Variants in STK11IP observed in about 807,000 individuals in gnomAD.
STK11IP encodes the protein serine/threonine-protein kinase 11-interacting protein.
STK11IP carries 103 observed loss-of-function variants against 131.7 expected under a neutral mutation model. That is an observed-to-expected ratio of 0.78 (90% CI 0.67 to 0.92). STK11IP has a LOEUF of 0.92. Ranked by LOEUF, STK11IP falls within the 40% of genes least tolerant of loss-of-function variation. The probability of loss-of-function intolerance (pLI) is 0.00; values close to 1 mark genes in which losing one functional copy is unlikely to be tolerated. For synonymous variants in STK11IP, 557 were observed against 575.6 expected (o/e 0.97, Z 0.46); for missense variants, 1,315 against 1,385.7 (o/e 0.95, Z 0.81).
rs561327289 is a variant in STK11IP at position 219,601,302 on chromosome 2, C to A, written c.129C>A (p.His43Gln). The A allele has an allele frequency of 1.9e-4, 299 of 1,614,082 alleles. 3 individuals are homozygous for A. The South Asian group carries it at 3.0e-3, about 16-fold the overall frequency. The change falls in exon 3 of 25, where the codon CAC becomes CAA. Residue 43 changes from histidine (H) to glutamine (Q), a missense_variant. Physicochemically the swap from His to Gln is conservative, Grantham distance 24. Coordinates refer to ENST00000456909, the MANE Select transcript of STK11IP (RefSeq NM_052902.4). ...LLTPTLQQLN[H>Q]VFELHLGPWG... is the part of the protein sequence containing the mutation. Reference sequence around the variant, plus strand: ...CTCCCACACTGCAACAGCTGAACCACGTATTTGAGCTGCACCTGGGGCCAT... The same window carrying A: ...CTCCCACACTGCAACAGCTGAACCAAGTATTTGAGCTGCACCTGGGGCCAT...
chr2:219,605,376 T>G, intron 7 of STK11IP: 1 of 436,432 alleles, frequency 2.3e-6, no homozygotes, highest in Non-Finnish European at 4.1e-6. Context: ...CAGGCAGGAA[T>G]TTAAGGGGCT....
rs1392319467 is a variant in STK11IP at position 219,605,821 on chromosome 2, G to A, written c.745+87G>A. On this transcript the variant is annotated intron_variant, in intron 8 of 24. Coordinates refer to ENST00000456909, the MANE Select transcript of STK11IP (RefSeq NM_052902.4). ...GGCCTGGGGACCATGTGCCTCTAGAGCCTTGAGAGGGCTTATGGGGAGTGC... is the reference window on the plus strand; with the variant it reads ...GGCCTGGGGACCATGTGCCTCTAGAACCTTGAGAGGGCTTATGGGGAGTGC... 7 of 1,525,400 alleles carry A rather than the reference G, an allele frequency of 4.6e-6. No individual in the cohort carries two copies. In the East Asian group the frequency reaches 1.7e-4, roughly 36 times the overall value. 94.5% of individuals were successfully genotyped at this position (1,525,400 alleles called of 1,614,324 possible).
rs750610406 is a variant in STK11IP at position 219,616,080 on chromosome 2, G to A, written c.3154G>A (p.Val1052Met). ...GGAGAGCTTTTGGGCACTCCGTGTG[G>A]TGTGTCAGGAGCAGCTGACAGCCCT... ...RLESFWALRV[V>M]CQEQLTALLA... Residue 1052 changes from valine to methionine, a missense_variant, in exon 25 of 25, where the codon GTG (valine) becomes ATG (methionine). Coordinates refer to ENST00000456909, the MANE Select transcript of STK11IP (RefSeq NM_052902.4). 1.0e-4 allele frequency: 162 copies of A among 1,613,790 alleles called. No homozygotes were observed. The highest frequency in any genetic ancestry group is 1.3e-4 in the Non-Finnish European group (153 of 1,179,900).
In STK11IP at chr2:219,606,018, C is replaced by T. The variant is rs1337992060; in HGVS notation, c.808C>T (p.Arg270Trp). Reference sequence around the variant, plus strand: ...GGCATACAACCTGCTGGAAGGACACCGGGAGCTGTCACCACTGTGGCTGCT... The same window carrying T: ...GGCATACAACCTGCTGGAAGGACACTGGGAGCTGTCACCACTGTGGCTGCT... ...DLAYNLLEGH[R>W]ELSPLWLLAE... is the part of the protein sequence containing the mutation. The change falls in exon 9 of 25, where the codon CGG (arginine) becomes TGG (tryptophan). Residue 270 changes from arginine to tryptophan, a missense_variant. Coordinates refer to ENST00000456909, the MANE Select transcript of STK11IP (RefSeq NM_052902.4). The T allele has an allele frequency of 1.7e-5, 28 of 1,608,832 alleles. No individual in the cohort carries two copies. Among genetic ancestry groups the T allele is most frequent in the Middle Eastern group, 1.7e-4 (1 of 6,058 alleles).
intron 24 of STK11IP, 81 bp downstream of exon 24, chr2:219,615,422 T>G: frequency 6.5e-7 from 1 of 1,529,156 alleles, no homozygotes; most frequent in South Asian, 1.3e-5. Flanking sequence ...GGGTGGGAAA[T>G]GGGTCTAGGA....
At position 219,615,609 on chromosome 2, in the gene STK11IP, G is replaced by A. The variant is rs77435727; in HGVS notation, c.3117+268G>A. On this transcript the variant is annotated intron_variant, in intron 24 of 24. Coordinates refer to ENST00000456909, the MANE Select transcript of STK11IP (RefSeq NM_052902.4). ...CCACGAGGCTTTCAGTGAGGTTTCCGGCAGCTTTGAGTTGGCAGGATTGGG... is the reference window on the plus strand; with the variant it reads ...CCACGAGGCTTTCAGTGAGGTTTCCAGCAGCTTTGAGTTGGCAGGATTGGG... 394 of 654,234 alleles carry A rather than the reference G, an allele frequency of 6.0e-4. 3 individuals carry two copies. In the East Asian group the frequency reaches 0.011, roughly 18 times the overall value. The allele number at this position is 654,234 out of a possible 1,614,324, so 40.5% of individuals were successfully genotyped here.
Position 219,598,160 on chromosome 2 carries a change from CG to C in STK11IP, c.45del (p.Leu16CysfsTer16). On this transcript the variant is annotated frameshift_variant, in exon 2 of 25. Coordinates refer to ENST00000456909, the MANE Select transcript of STK11IP (RefSeq NM_052902.4). LOFTEE classifies it high-confidence loss of function. ...AQRDSLLWKL[A>X]GLLRESGDVV... Reference sequence around the variant, plus strand: ...AGGGACTCCCTGTTGTGGAAGCTCGCGGGGTTGCTGCGGGAGTCCGGTGAGT... The same window carrying C: ...AGGGACTCCCTGTTGTGGAAGCTCGCGGGTTGCTGCGGGAGTCCGGTGAGT... 1 of 1,572,642 alleles carries C rather than the reference CG, an allele frequency of 6.4e-7. No homozygotes were observed. The highest frequency in any genetic ancestry group is 1.2e-5 in the South Asian group (1 of 85,780).
chr2:219,609,280 C>T, intron 16 of STK11IP, 67 bp downstream of exon 16: 1 of 1,576,334 alleles, frequency 6.3e-7, no homozygotes, highest in Non-Finnish European at 8.6e-7. Flanking sequence ...GAAGTGGCAG[C>T]AGGCCTGAGG....
In STK11IP at chr2:219,615,070, C is replaced by T. The variant is rs201333019; in HGVS notation, c.2870-24C>T. 35 of 1,600,324 alleles carry T rather than the reference C, an allele frequency of 2.2e-5. No homozygotes were observed. The East Asian group carries it at 7.4e-4, about 34-fold the overall frequency. ...ATCTGGGCCCCTCCATGACCTTCCA[C>T]ACTGGATGCCTCTTTCCCTGCAGGC... On this transcript the variant is annotated intron_variant, in intron 23 of 24. Transcript: ENST00000456909.
chr2:219,606,107 C>T (rs774572142), intron 9 of STK11IP, 48 bp downstream of exon 9: 1 of 1,546,702 alleles, frequency 6.5e-7, no homozygotes, highest in Non-Finnish European at 8.8e-7. Flanking sequence ...TTGCACGTAC[C>T]CCCCCATGCT....
Position 219,598,158 on chromosome 2 carries a change from C to T in STK11IP, c.39C>T (p.Leu13=). ...AGAGGGACTCCCTGTTGTGGAAGCT[C>T]GCGGGGTTGCTGCGGGAGTCCGGTG... ...TAQRDSLLWK[L]AGLLRESGDV... The change falls in exon 2 of 25, where the codon CTC becomes CTT. Residue 13 remains leucine, a synonymous_variant. Transcript: ENST00000456909. The T allele has an allele frequency of 6.4e-7, 1 of 1,573,500 alleles. No homozygotes were observed. The highest frequency in any genetic ancestry group is 1.2e-5 in the South Asian group (1 of 85,898).
intron 1 of STK11IP, 74 bp downstream of exon 1, chr2:219,597,997 CT>C: frequency 1.3e-6 from 2 of 1,592,746 alleles, no homozygotes; most frequent in Admixed American, 1.8e-5. Context: ...TCTTTCTCGC[CT>C]TTTTCTCCGC....
intron 7 of STK11IP, among the ~76,000 whole-genome samples, chr2:219,603,202 T>A (rs1698047967): frequency 6.6e-6 from 1 of 151,924 alleles, no homozygotes; most frequent in Non-Finnish European, 1.5e-5. Context: ...TCAACACACC[T>A]GGCTAATTTT....
intron 7 of STK11IP, among the ~76,000 whole-genome samples, chr2:219,604,022 A>G (rs1295712150): frequency 2.0e-5 from 3 of 152,170 alleles, no homozygotes; most frequent in Admixed American, 6.5e-5. Flanking sequence ...GTTGATTCAC[A>G]TGAAGCCCTT....
intron 2 of STK11IP, 37 bp downstream of exon 2, chr2:219,598,217 C>T: frequency 2.0e-6 from 3 of 1,467,544 alleles, no homozygotes; most frequent in Non-Finnish European, 2.8e-6. Context: ...CCTCGGACCT[C>T]GGACGAGGTG....
intron 24 of STK11IP, chr2:219,615,650 C>G (rs1698549043): frequency 3.1e-6 from 2 of 649,432 alleles, no homozygotes; most frequent in African/African-American, 3.6e-5. Context: ...TGTATGCCAG[C>G]CGTTTGGCCT....
intron 23 of STK11IP, 159 bp from the exon 24 acceptor site, chr2:219,614,934 GC>G (rs1460613540): frequency 8.4e-6 from 7 of 833,602 alleles, no homozygotes; most frequent in Non-Finnish European, 1.3e-5. Context: ...GATTCATGGA[GC>G]TTGGGAAAGG....
chr2:219,605,173 A>G (rs987301939), intron 7 of STK11IP, among the ~76,000 whole-genome samples: 58 of 152,120 alleles, frequency 3.8e-4, no homozygotes, highest in Admixed American at 3.1e-3. Context: ...GGGCAGGGGA[A>G]TGGTAGGGCC....
At chr2:219,611,432 T>C (rs1334691492) in intron 17 of STK11IP, among the ~76,000 whole-genome samples, 172 bp from the exon 18 acceptor site, 7 of 152,074 alleles carry the variant, frequency 4.6e-5, no homozygotes, top group South Asian at 4.2e-4. Flanking sequence ...AGTGATCAGT[T>C]GGCAGCTGTG....
Sources: gnomAD v4.1 joint callset for allele counts (sites outside exome capture counted in the v4.1 genomes callset) on GRCh38, gnomAD v4.1.1 for gene constraint, MANE v1.5 for transcripts, NCBI Gene and HGNC (gene_info 2026-07-23, HGNC 2026-07-21) for gene names.